The following ZNF185 variants were observed in gnomAD, a reference collection of about 807,000 sequenced individuals.
ZNF185 encodes the protein zinc finger protein 185.
A neutral mutation model predicts 58.6 loss-of-function variants in ZNF185; 56 were observed. That is an observed-to-expected ratio of 0.95 (90% CI 0.77 to 1.19). ZNF185 has a LOEUF of 1.19. Among genes scored for constraint, ZNF185 ranks in the 50% most tolerant of loss-of-function variants. The pLI is 0.00. For synonymous variants in ZNF185, 230 were observed against 215.9 expected (o/e 1.07, Z -0.57); for missense variants, 627 against 573.5 (o/e 1.09, Z -0.95).
At chrX:152,930,772 G>A (rs1285621749) in intron 12 of ZNF185, among the ~76,000 whole-genome samples, 1 of 111,434 alleles carries the variant, frequency 9.0e-6, no homozygotes, top group Non-Finnish European at 1.9e-5. Flanking sequence ...GATCAAGGGA[G>A]GAGGGGTGGT....
chrX:152,967,320 C>T, intron 20 of ZNF185, 82 bp downstream of exon 22: 3 of 977,520 alleles, frequency 3.1e-6, no homozygotes, highest in South Asian at 4.1e-5. Flanking sequence ...AGTCTGTTTG[C>T]TTTTGTCTTC....
the ZNF185 span, among the ~76,000 whole-genome samples, chrX:152,904,222 G>A: frequency 5.3e-5 from 6 of 112,271 alleles, no homozygotes; most frequent in Admixed American, 4.7e-4. Flanking sequence ...CCCAGCCTAG[G>A]CCTCCTGGGA....
At chrX:152,902,163 G>A in the ZNF185 span, among the ~76,000 whole-genome samples, 1 of 112,595 alleles carries the variant, frequency 8.9e-6, no homozygotes, top group Non-Finnish European at 1.9e-5. Context: ...CTGAGATGGC[G>A]GCAGAGCTCT....
At chrX:152,918,209 A>G (rs1384483677) in intron 6 of ZNF185, 55 bp downstream of exon 7, 2 of 1,145,470 alleles carry the variant, frequency 1.7e-6, no homozygotes, top group South Asian at 1.9e-5. Flanking sequence ...AACAAGTCCA[A>G]ACTCTGGGTC....
chrX:152,964,005 C>T (rs782529461), intron 18 of ZNF185, 56 bp downstream of exon 20: 260 of 1,094,245 alleles, frequency 2.4e-4, no homozygotes, highest in Admixed American at 8.9e-4. Flanking sequence ...TCCTCCTTGG[C>T]GGTAAAGGAC....
At chrX:152,933,744 C>T (rs1367232465) in intron 14 of ZNF185, among the ~76,000 whole-genome samples, 1 of 112,679 alleles carries the variant, frequency 8.9e-6, no homozygotes, top group African/African-American at 3.2e-5. Context: ...AGAGCTACAA[C>T]CGCAAGATAT....
chrX:152,915,176 C>T (rs1938176880), exon 3 of ZNF185: 1 of 1,208,915 alleles, frequency 8.3e-7, no homozygotes, highest in Non-Finnish European at 1.1e-6. Flanking sequence ...ACATCCTTTT[C>T]ATCAGCTGGG....
intron 14 of ZNF185, among the ~76,000 whole-genome samples, chrX:152,937,824 C>T (rs782076857): frequency 2.7e-5 from 3 of 112,290 alleles, no homozygotes; most frequent in Middle Eastern, 4.7e-3. Context: ...GGAGACTTCC[C>T]CAGGGAACCC....
At chrX:152,924,750 T>A (rs1458421398) in intron 11 of ZNF185, among the ~76,000 whole-genome samples, 1 of 111,802 alleles carries the variant, frequency 8.9e-6, no homozygotes, top group East Asian at 2.8e-4. Context: ...AGTGGTGTGA[T>A]CTCGGCTCAC....
intron 15 of ZNF185, chrX:152,941,871 C>A: frequency 9.1e-7 from 1 of 1,093,787 alleles, no homozygotes; most frequent in Admixed American, 3.7e-5. Flanking sequence ...TTGGGGTGAC[C>A]GCGCGTGGAC....
chrX:152,919,801 A>T (rs1210825296), intron 7 of ZNF185, among the ~76,000 whole-genome samples: 8 of 112,655 alleles, frequency 7.1e-5, no homozygotes, highest in African/African-American at 9.7e-5. Context: ...CTGCTGACCC[A>T]TCTGTGGCGC....
chrX:152,911,407 G>A (rs1937162708), upstream of ZNF185, among the ~76,000 whole-genome samples: 1 of 111,294 alleles, frequency 9.0e-6, no homozygotes, highest in South Asian at 3.8e-4. Context: ...GGAACCATCA[G>A]GTGCTGACTG....
Position 152,926,781 on chromosome X carries a change from A to G in ZNF185, c.831-1794A>G, listed in dbSNP as rs138332749. On this transcript the variant is annotated intron_variant, in intron 11 of 22. Transcript: ENST00000449285. ...ACTGGAGCTGCTGTAACAAGGTACCAGAAACTGAGTGGCTTAAAACCACAC... is the reference window on the plus strand; with the variant it reads ...ACTGGAGCTGCTGTAACAAGGTACCGGAAACTGAGTGGCTTAAAACCACAC... 3.9e-3 allele frequency among the ~76,000 whole-genome samples: 444 copies of G among 112,449 alleles called. 1 individual carries two copies. Among genetic ancestry groups the G allele is most frequent in the African/African-American group, 0.014 (431 of 30,979 alleles).
intron 16 of ZNF185, among the ~76,000 whole-genome samples, chrX:152,950,526 A>G (rs2048201540): frequency 8.9e-6 from 1 of 112,079 alleles, no homozygotes; most frequent in South Asian, 3.7e-4. Context: ...AAATATTTAT[A>G]TTAAGGACAT....
chrX:152,905,619 A>C, the ZNF185 span, among the ~76,000 whole-genome samples: 1 of 110,513 alleles, frequency 9.0e-6, no homozygotes, highest in Admixed American at 9.6e-5. Flanking sequence ...AGAAATGGAC[A>C]GGAGCCTCGA....
At chrX:152,918,252 A>G in intron 6 of ZNF185, 98 bp downstream of exon 7, 1 of 1,011,993 alleles carries the variant, frequency 9.9e-7, no homozygotes, top group Non-Finnish European at 1.4e-6. Flanking sequence ...GCCACCGAGC[A>G]CAGCCCGGGA....
exon 15 of ZNF185, chrX:152,938,084 A>T (rs2046566238): frequency 2.5e-6 from 3 of 1,178,352 alleles, no homozygotes; most frequent in Non-Finnish European, 3.4e-6. Context: ...CTCCAGTGCC[A>T]CTTCAGTCTC....
chrX:152,925,993 C>T (rs1404910675), intron 11 of ZNF185, among the ~76,000 whole-genome samples: 1 of 112,338 alleles, frequency 8.9e-6, no homozygotes, highest in African/African-American at 3.2e-5. Context: ...TGGTTCTACA[C>T]ATGCACCCCT....
intron 10 of ZNF185, 134 bp downstream of exon 11, chrX:152,922,390 G>C (rs781830371): frequency 1.4e-5 from 9 of 638,976 alleles, no homozygotes; most frequent in African/African-American, 2.2e-5. Context: ...GTGACAAGAC[G>C]GGACAAAGAA....
Sources: gnomAD v4.1 joint callset for allele counts (sites outside exome capture counted in the v4.1 genomes callset) on GRCh38, gnomAD v4.1.1 for gene constraint, MANE v1.5 for transcripts, NCBI Gene and HGNC (gene_info 2026-07-23, HGNC 2026-07-21) for gene names.